The following LTBP1 variants were observed in gnomAD, a reference collection of about 807,000 sequenced individuals.
LTBP1 encodes the protein latent-transforming growth factor beta-binding protein 1.
LTBP1 carries 129 observed loss-of-function variants against 207.6 expected under a neutral mutation model. The ratio of observed to expected loss-of-function variants is 0.62; its 90% CI spans 0.54 to 0.72. LTBP1 has a LOEUF of 0.72. Among genes scored for constraint, LTBP1 ranks in the 30% least tolerant of loss-of-function variants. LTBP1 has a pLI of 0.00. For missense variants in LTBP1, 2,281 were observed against 2,217.2 expected (o/e 1.03, Z -0.58); for synonymous variants, 963 against 833.7 (o/e 1.16, Z -2.67).
At chr2:33,142,643 C>T (rs1378174266) in intron 5 of LTBP1, among the ~76,000 whole-genome samples, 7 of 151,942 alleles carry the variant, frequency 4.6e-5, no homozygotes, top group Non-Finnish European at 1.0e-4. Flanking sequence ...CAGAGAAGGG[C>T]AGTGGGGCGG....
chr2:33,048,426 G>C (rs2076553155), intron 3 of LTBP1, among the ~76,000 whole-genome samples: 1 of 152,122 alleles, frequency 6.6e-6, no homozygotes, highest in Non-Finnish European at 1.5e-5. Context: ...GATTAGAAGT[G>C]GTTATTAAAG....
At chr2:33,201,903 T>G (rs1248007519) in intron 7 of LTBP1, among the ~76,000 whole-genome samples, 3 of 152,106 alleles carry the variant, frequency 2.0e-5, no homozygotes, top group Non-Finnish European at 4.4e-5. Flanking sequence ...AGCAGTTCTG[T>G]TTGGACAGGA....
intron 6 of LTBP1, among the ~76,000 whole-genome samples, chr2:33,188,225 A>C (rs1390625386): frequency 2.0e-5 from 3 of 152,146 alleles, no homozygotes; most frequent in Non-Finnish European, 4.4e-5. Context: ...GTTCAAGACC[A>C]GCCTGGCCAA....
chr2:33,397,389 A>C (rs1438737336), intron 33 of LTBP1, 107 bp downstream of exon 33: 1 of 1,284,588 alleles, frequency 7.8e-7, no homozygotes, highest in Admixed American at 1.9e-5. Context: ...GTTTGAGAAG[A>C]TGAGAAAAGT....
At chr2:33,036,302 G>T (rs1353931873) in intron 3 of LTBP1, among the ~76,000 whole-genome samples, 2 of 151,972 alleles carry the variant, frequency 1.3e-5, no homozygotes, top group Non-Finnish European at 2.9e-5. Flanking sequence ...CTGCTGGAGG[G>T]GTCTGCACTT....
intron 2 of LTBP1, among the ~76,000 whole-genome samples, chr2:32,962,571 C>T (rs1389307221): frequency 6.6e-6 from 1 of 152,166 alleles, no homozygotes; most frequent in Non-Finnish European, 1.5e-5. Flanking sequence ...AGCTGAAATC[C>T]ATTTAAATCA....
chr2:32,985,259 A>G (rs576163846), intron 2 of LTBP1, among the ~76,000 whole-genome samples: 1 of 97,948 alleles, frequency 1.0e-5, no homozygotes, highest in Admixed American at 9.7e-5. Flanking sequence ...GCTGAGTGAC[A>G]TGGTACTGTC....
rs192433676 is a variant in LTBP1 at position 33,239,677 on chromosome 2, G to C, written c.1877-3985G>C. 9.1e-3 allele frequency among the ~76,000 whole-genome samples: 1,370 copies of C among 151,170 alleles called. 21 individuals are homozygous for C. Among genetic ancestry groups the C allele is most frequent in the African/African-American group, 0.031 (1,285 of 41,172 alleles). ...GGAGGCCGAGGTGGGCGGATCACTT[G>C]AGGTCAGGAGTTCAAGACCAGCCTG... On this transcript the variant is annotated intron_variant, in intron 9 of 33. Coordinates refer to ENST00000404816, the MANE Select transcript of LTBP1 (RefSeq NM_206943.4).
At chr2:33,159,184 C>T (rs1296780893) in intron 5 of LTBP1, among the ~76,000 whole-genome samples, 3 of 152,142 alleles carry the variant, frequency 2.0e-5, no homozygotes, top group Admixed American at 2.0e-4. Context: ...GCTTCCCTCT[C>T]CTAAGTGAGC....
intron 31 of LTBP1, among the ~76,000 whole-genome samples, chr2:33,376,957 T>A (rs1015850194): frequency 3.3e-5 from 5 of 152,050 alleles, no homozygotes; most frequent in African/African-American, 1.2e-4. Context: ...TGTGTGTTTT[T>A]AAAAAATAAC....
intron 22 of LTBP1, among the ~76,000 whole-genome samples, chr2:33,304,241 C>T (rs1000566908): frequency 6.6e-6 from 1 of 152,070 alleles, no homozygotes; most frequent in Non-Finnish European, 1.5e-5. Context: ...GACTGGAGTC[C>T]ATCCAACTAA....
chr2:33,397,031 A>G (rs1435591357), intron 32 of LTBP1, 102 bp from the exon 33 acceptor site: 1 of 996,658 alleles, frequency 1.0e-6, no homozygotes, highest in Admixed American at 2.2e-5. Flanking sequence ...GTATGGACAT[A>G]TATGTGTCTA....
rs1228575682 is a variant in LTBP1 at position 33,134,407 on chromosome 2, A to T, written c.1034-386A>T. The T allele has an allele frequency of 5.6e-6, 3 of 531,394 alleles. No homozygotes were observed. Among genetic ancestry groups the T allele is most frequent in the Non-Finnish European group, 1.1e-5 (3 of 276,286 alleles). The allele number at this position is 531,394 out of a possible 1,614,324, so 32.9% of individuals were successfully genotyped here. On this transcript the variant is annotated intron_variant, in intron 4 of 33. Transcript: ENST00000404816. The surrounding 1 kb of genome is among the most constrained non-coding windows in gnomAD (Gnocchi z 4.4). ...TTATTCACCGCTAGGTGCACGGCCA[A>T]CCCCTTTGCATTACATCTGCCTGTC...
intron 26 of LTBP1, among the ~76,000 whole-genome samples, chr2:33,350,261 A>G (rs905862748): frequency 6.6e-6 from 1 of 152,232 alleles, no homozygotes; most frequent in East Asian, 1.9e-4. Context: ...CTCCCCCAGG[A>G]CAATCTATAT....
At chr2:33,290,086 G>A (rs2093744050) in intron 19 of LTBP1, among the ~76,000 whole-genome samples, 1 of 152,190 alleles carries the variant, frequency 6.6e-6, no homozygotes, top group Admixed American at 6.5e-5. Flanking sequence ...TGGAGAAGTG[G>A]CAGGTGAAGC....
intron 24 of LTBP1, among the ~76,000 whole-genome samples, chr2:33,318,851 C>T (rs1274466338): frequency 6.6e-6 from 1 of 152,136 alleles, no homozygotes; most frequent in South Asian, 2.1e-4. Context: ...TTATTTCTGC[C>T]CTTTTTTATT....
intron 3 of LTBP1, among the ~76,000 whole-genome samples, chr2:33,025,921 G>C (rs1558530263): frequency 6.6e-6 from 1 of 152,096 alleles, no homozygotes; most frequent in Non-Finnish European, 1.5e-5. Flanking sequence ...GTGTGGTCCT[G>C]AGTCTTCAAA....
At chr2:33,377,553 T>A (rs2095156111) in intron 31 of LTBP1, among the ~76,000 whole-genome samples, 1 of 152,214 alleles carries the variant, frequency 6.6e-6, no homozygotes. Context: ...TAAAAAATAC[T>A]CTGAATAGAA....
At chr2:33,050,149 CTTTTCT>C (rs2076655791) in intron 3 of LTBP1, among the ~76,000 whole-genome samples, 1 of 107,018 alleles carries the variant, frequency 9.3e-6, no homozygotes, top group African/African-American at 3.2e-5. Flanking sequence ...TTTTTCTTTT[CTTTTCT>C]TTTTTTTTTT....
Sources: allele counts gnomAD v4.1 joint callset (sites outside exome capture counted in the v4.1 genomes callset), GRCh38; gene constraint gnomAD v4.1.1; non-coding constraint Gnocchi (gnomAD v3.1); transcripts MANE v1.5; gene names NCBI Gene and HGNC (gene_info 2026-07-23, HGNC 2026-07-21).